The following DCLK2 variants were observed in gnomAD, a reference collection of about 807,000 sequenced individuals.
The protein encoded by DCLK2 is doublecortin like kinase 2.
In DCLK2, 31 loss-of-function variants were observed where a neutral mutation model predicts 78.4. The observed-to-expected ratio is 0.40, with a 90% confidence interval of 0.30 to 0.53. The LOEUF (loss-of-function observed/expected upper bound fraction) is 0.53. DCLK2 is among the 20% of genes least tolerant of loss of function. The probability of loss-of-function intolerance (pLI) is 0.61; values close to 1 mark genes in which losing one functional copy is unlikely to be tolerated. For missense variants in DCLK2, 872 were observed against 973.7 expected, an observed-to-expected ratio of 0.90 and a Z score of 1.39; for synonymous variants, 407 against 374.9, an observed-to-expected ratio of 1.09 and a Z score of -0.99.
Position 150,252,811 on chromosome 4 carries a change from C to T in DCLK2, c.2073+3127C>T, listed in dbSNP as rs62344504. On this transcript the variant is annotated intron_variant, in intron 15 of 15. Coordinates refer to ENST00000296550, the MANE Select transcript of DCLK2 (RefSeq NM_001040260.4). ...TGCGCATGTTGGCAGGGTGTCCCCT[C>T]TAACCCCATGTTACCTACACAACTC... Among the ~76,000 whole-genome samples, 1,378 of 152,322 alleles carry T rather than the reference C, an allele frequency of 9.0e-3. 13 individuals carry two copies. The highest frequency in any genetic ancestry group is 0.016 in the Non-Finnish European group (1,092 of 68,028).
intron 2 of DCLK2, among the ~76,000 whole-genome samples, chr4:150,115,684 C>T (rs1444045745): frequency 6.6e-6 from 1 of 152,132 alleles, no homozygotes; most frequent in East Asian, 1.9e-4. Flanking sequence ...TAGCAATGTG[C>T]TTGGTGTGTG....
At chr4:150,183,622 T>C (rs1255746048) in intron 2 of DCLK2, among the ~76,000 whole-genome samples, 1 of 152,184 alleles carries the variant, frequency 6.6e-6, no homozygotes, top group African/African-American at 2.4e-5. Context: ...CCAGGACTAC[T>C]CTGCATTATA....
rs116816563 is a variant in DCLK2 at position 150,099,915 on chromosome 4, G to C, written c.422-2563G>C. Among the ~76,000 whole-genome samples the C allele has an allele frequency of 5.3e-3, 811 of 152,218 alleles. 5 individuals are homozygous for C. The highest frequency in any genetic ancestry group is 0.018 in the African/African-American group (768 of 41,542). ...ATGATGGAACTAGTCTACAAGTTTG[G>C]TTTGTTTGCTTTATGGGGACAGGAT... On this transcript the variant is annotated intron_variant, in intron 1 of 15. Transcript: ENST00000296550.
Position 150,189,734 on chromosome 4 carries a change from A to C in DCLK2, c.757-3404A>C, listed in dbSNP as rs1738249720. On this transcript the variant is annotated intron_variant, in intron 2 of 15. Transcript: ENST00000296550. Reference sequence around the variant, plus strand: ...TAGCCGTTGTACCACTCACCTGGAAAAGTTACTCTGGTCTGAGAACTCAGT... The same window carrying C: ...TAGCCGTTGTACCACTCACCTGGAACAGTTACTCTGGTCTGAGAACTCAGT... Among the ~76,000 whole-genome samples the C allele has an allele frequency of 2.6e-5, 4 of 151,994 alleles. No individual in the cohort carries two copies. In the South Asian group the frequency reaches 8.3e-4, roughly 32 times the overall value.
intron 10 of DCLK2, 41 bp from the exon 11 acceptor site, chr4:150,239,701 G>GA (rs532036411): frequency 1.2e-4 from 188 of 1,596,896 alleles, no homozygotes; most frequent in South Asian, 4.5e-4. Context: ...AATTGTTGAG[G>GA]AAAAAAAAAT....
intron 2 of DCLK2, among the ~76,000 whole-genome samples, chr4:150,180,634 C>T (rs939391515): frequency 2.6e-5 from 4 of 152,006 alleles, no homozygotes; most frequent in African/African-American, 9.7e-5. Context: ...TCTATTGGGG[C>T]GCAGAACACA....
chr4:150,201,249 G>C (rs922510026), intron 4 of DCLK2, among the ~76,000 whole-genome samples: 2 of 152,276 alleles, frequency 1.3e-5, no homozygotes, highest in Non-Finnish European at 2.9e-5. Flanking sequence ...TTTCAGGAGA[G>C]AAAATCCAGG....
At chr4:150,139,846 T>C (rs924131118) in intron 2 of DCLK2, among the ~76,000 whole-genome samples, 1 of 152,238 alleles carries the variant, frequency 6.6e-6, no homozygotes, top group Non-Finnish European at 1.5e-5. Flanking sequence ...TATTGTCTTG[T>C]CATTCCATCC....
intron 8 of DCLK2, among the ~76,000 whole-genome samples, chr4:150,230,723 A>C (rs926353099): frequency 6.6e-6 from 1 of 152,150 alleles, no homozygotes; most frequent in Non-Finnish European, 1.5e-5. Flanking sequence ...TGCAACCATG[A>C]GGGGCTGGCT....
intron 2 of DCLK2, among the ~76,000 whole-genome samples, chr4:150,113,236 A>G (rs1316348104): frequency 1.3e-5 from 2 of 152,132 alleles, no homozygotes; most frequent in Non-Finnish European, 2.9e-5. Context: ...TAGTTTGGGT[A>G]TCAGGCTAGT....
At chr4:150,203,702 G>T (rs971580962) in intron 4 of DCLK2, 93 bp from the exon 5 acceptor site, 1 of 958,210 alleles carries the variant, frequency 1.0e-6, no homozygotes, top group African/African-American at 1.6e-5. Context: ...AGCTTCATTG[G>T]ACCTATATTG....
intron 2 of DCLK2, among the ~76,000 whole-genome samples, chr4:150,182,066 G>A (rs776440430): frequency 1.3e-5 from 2 of 149,402 alleles, no homozygotes; most frequent in Non-Finnish European, 3.0e-5. Flanking sequence ...AATTTTTTTC[G>A]AGACAGGATC....
intron 1 of DCLK2, among the ~76,000 whole-genome samples, chr4:150,092,533 A>G (rs1024259785): frequency 6.6e-6 from 1 of 152,104 alleles, no homozygotes. Context: ...TTTGATGTGC[A>G]TTTCCATGAT....
At chr4:150,140,711 A>AT (rs1246100703) in intron 2 of DCLK2, among the ~76,000 whole-genome samples, 1 of 152,036 alleles carries the variant, frequency 6.6e-6, no homozygotes, top group Non-Finnish European at 1.5e-5. Flanking sequence ...CTACTTCTTT[A>AT]TTTTTTAAAA....
intron 1 of DCLK2, among the ~76,000 whole-genome samples, chr4:150,091,277 C>T (rs921746027): frequency 9.2e-5 from 14 of 152,146 alleles, no homozygotes; most frequent in African/African-American, 3.4e-4. Flanking sequence ...ATATCTTTTC[C>T]TTGGTTACAT....
At chr4:150,231,727 G>C (rs1053811678) in intron 8 of DCLK2, among the ~76,000 whole-genome samples, 2 of 152,088 alleles carry the variant, frequency 1.3e-5, no homozygotes, top group African/African-American at 4.8e-5. Context: ...TGGTCCCCGT[G>C]GTTCTGTATG....
chr4:150,191,713 G>T (rs1738468379), intron 2 of DCLK2, among the ~76,000 whole-genome samples: 1 of 152,154 alleles, frequency 6.6e-6, no homozygotes, highest in Non-Finnish European at 1.5e-5. Flanking sequence ...CAGTCTCCAT[G>T]CCTGTTTCTC....
intron 14 of DCLK2, among the ~76,000 whole-genome samples, chr4:150,249,083 C>A (rs1168424107): frequency 6.6e-6 from 1 of 152,156 alleles, no homozygotes; most frequent in Non-Finnish European, 1.5e-5. Flanking sequence ...TTTCTCTGGA[C>A]CCTGCTTGCT....
At chr4:150,254,840 C>T (rs563943568) in intron 15 of DCLK2, among the ~76,000 whole-genome samples, 18 of 152,258 alleles carry the variant, frequency 1.2e-4, no homozygotes, top group African/African-American at 3.6e-4. Flanking sequence ...CCACCTTGCC[C>T]GGCTAATTTT....
Sources: allele counts gnomAD v4.1 joint callset (sites outside exome capture counted in the v4.1 genomes callset), GRCh38; gene constraint gnomAD v4.1.1; transcripts MANE v1.5; gene names NCBI Gene and HGNC (gene_info 2026-07-23, HGNC 2026-07-21).